The following DENND1B variants were observed in gnomAD, a reference collection of about 807,000 sequenced individuals.
The protein encoded by DENND1B is DENN domain containing 1B.
In DENND1B, 59 loss-of-function variants were observed where a neutral mutation model predicts 90.1. The observed-to-expected ratio is 0.65, with a 90% CI of 0.53 to 0.81. DENND1B has a LOEUF of 0.81. Among genes scored for constraint, DENND1B ranks in the 40% least tolerant of loss-of-function variants. The probability of loss-of-function intolerance (pLI) is 0.00; values close to 1 mark genes in which losing one functional copy is unlikely to be tolerated. For missense variants in DENND1B, 862 were observed against 912.6 expected (o/e 0.94, Z 0.71); for synonymous variants, 337 against 324.6 (o/e 1.04, Z -0.41).
chr1:197,558,485 G>T (rs10922253), intron 15 of DENND1B, among the ~76,000 whole-genome samples: 117,475 of 151,528 alleles, frequency 0.78, 45,826 homozygotes, highest in East Asian at 0.87. Flanking sequence ...GGAGCTATGA[G>T]CCAGGAACCG....
chr1:197,643,012 C>T (rs1228758755), intron 9 of DENND1B, among the ~76,000 whole-genome samples, 191 bp from the exon 10 acceptor site: 1 of 152,076 alleles, frequency 6.6e-6, no homozygotes, highest in Non-Finnish European at 1.5e-5. Flanking sequence ...TTAGTTGAAA[C>T]ATAACCCTAC....
intron 5 of DENND1B, among the ~76,000 whole-genome samples, chr1:197,661,269 T>G (rs1286714038): frequency 6.6e-6 from 1 of 152,114 alleles, no homozygotes; most frequent in African/African-American, 2.4e-5. Flanking sequence ...CTAAATATAA[T>G]GCAAATCAGC....
chr1:197,547,044 G>C (rs533479503), intron 16 of DENND1B, among the ~76,000 whole-genome samples: 67 of 152,150 alleles, frequency 4.4e-4, no homozygotes, highest in Non-Finnish European at 7.1e-4. Flanking sequence ...TTAGATTTCA[G>C]CTACCTTCTT....
rs138221345 is a variant in DENND1B at position 197,739,093 on chromosome 1, C to T, written c.83-24019G>A. The stretch of plus-strand genomic sequence containing the variant: ...ACACATATGAGGAAACTACCAGACA[C>T]TGAGGAAAGAATCACCCAAAAGAAA... On this transcript the variant is annotated intron_variant, in intron 2 of 22. Transcript: ENST00000620048. Among the ~76,000 whole-genome samples, 148 of 152,296 alleles carry T rather than the reference C, an allele frequency of 9.7e-4. 1 individual carries two copies. Among genetic ancestry groups the T allele is most frequent in the African/African-American group, 3.5e-3 (144 of 41,558 alleles).
At chr1:197,563,669 T>TA (rs1189761784) in intron 15 of DENND1B, among the ~76,000 whole-genome samples, 1 of 151,860 alleles carries the variant, frequency 6.6e-6, no homozygotes, top group East Asian at 1.9e-4. Context: ...GATCAAGGAG[T>TA]AATTTTGACT....
chr1:197,624,139 T>G (rs1678429868), intron 10 of DENND1B, among the ~76,000 whole-genome samples: 1 of 151,648 alleles, frequency 6.6e-6, no homozygotes, highest in African/African-American at 2.4e-5. Context: ...AGAACAAAGT[T>G]GGAGGACTGA....
At chr1:197,657,578 A>T (rs2253257) in intron 6 of DENND1B, among the ~76,000 whole-genome samples, 6 of 152,028 alleles carry the variant, frequency 3.9e-5, no homozygotes, top group Non-Finnish European at 7.4e-5. Flanking sequence ...AGAAAAGAAA[A>T]GAAAAGAGCG....
At chr1:197,622,465 C>G (rs1010309462) in intron 10 of DENND1B, among the ~76,000 whole-genome samples, 22 of 151,318 alleles carry the variant, frequency 1.5e-4, no homozygotes, top group Non-Finnish European at 3.1e-4. Flanking sequence ...AAATTATCAT[C>G]ATTATGAGGC....
chr1:197,605,926 T>C (rs1237855912), intron 13 of DENND1B: 1 of 151,110 alleles, frequency 6.6e-6, no homozygotes, highest in Non-Finnish European at 1.5e-5. Flanking sequence ...TAGTGTATTT[T>C]TGAGTTTAGG....
intron 20 of DENND1B, among the ~76,000 whole-genome samples, chr1:197,516,970 C>T (rs1291302268): frequency 2.0e-5 from 3 of 151,808 alleles, no homozygotes; most frequent in African/African-American, 4.8e-5. Flanking sequence ...GCTAAGTGTT[C>T]CTCTGTATGG....
Position 197,595,194 on chromosome 1 carries a change from A to C in DENND1B, c.1047+14T>G. The C allele has an allele frequency of 6.3e-7, 1 of 1,598,880 alleles. No homozygotes were observed. The highest frequency in any genetic ancestry group is 8.5e-7 in the Non-Finnish European group (1 of 1,175,166). ...AAAAAGCAAATTAAAACAGTGATGA[A>C]ACAAAACGCTTACAGGTTTGTATCT... On this transcript the variant is annotated intron_variant, in intron 14 of 22. Transcript: ENST00000620048.
At chr1:197,673,239 T>G (rs925668028) in intron 4 of DENND1B, among the ~76,000 whole-genome samples, 2 of 152,034 alleles carry the variant, frequency 1.3e-5, no homozygotes, top group African/African-American at 2.4e-5. Context: ...GGATCCTAAA[T>G]CTTCCTTACT....
In DENND1B at chr1:197,652,258, T is replaced by G. The variant is rs759837297; in HGVS notation, c.424A>C (p.Asn142His). 43 of 1,611,446 alleles carry G rather than the reference T, an allele frequency of 2.7e-5. No homozygotes were observed. In the South Asian group the frequency reaches 4.6e-4, roughly 17 times the overall value. The part of the protein sequence containing the change: ...SLYNHPVPKA[N>H]TPVNLSVNQE... ...ACCACACTCAAATTTACAGGAGTAT[T>G]TGCCTTTGGTACTGGGTGGTTATAC... The change falls in exon 7 of 23, where the codon AAT becomes CAT. Residue 142 changes from asparagine to histidine, a missense_variant. Transcript: ENST00000620048.
Position 197,505,423 on chromosome 1 carries a change from T to C in DENND1B, c.*5037A>G, listed in dbSNP as rs1021142372. On this transcript the variant is annotated 3_prime_UTR_variant, in exon 23 of 23. Transcript: ENST00000620048. ...AGAGATGAATAGACTTATAGGTTCA[T>C]CATATCAAAGAAGTAATCATTTGTG... is the stretch of plus-strand genomic sequence containing the variant. The C allele has an allele frequency of 7.9e-5, 12 of 151,656 alleles. No homozygotes were observed. The highest frequency in any genetic ancestry group is 2.4e-4 in the African/African-American group (10 of 41,380). The allele number at this position is 151,656 out of a possible 1,614,324, so 9.4% of individuals were successfully genotyped here. A position where few individuals can be genotyped will look rare whatever the true frequency, so the allele number is the denominator to read the frequency against.
chr1:197,693,419 T>C (rs1329516094), intron 3 of DENND1B, among the ~76,000 whole-genome samples: 2 of 151,702 alleles, frequency 1.3e-5, no homozygotes, highest in African/African-American at 4.8e-5. Flanking sequence ...ATTAGGTTCA[T>C]TTAAAGGTGC....
chr1:197,578,649 A>G (rs1177630212), intron 15 of DENND1B, among the ~76,000 whole-genome samples: 1 of 152,198 alleles, frequency 6.6e-6, no homozygotes, highest in Non-Finnish European at 1.5e-5. Context: ...GTGTGTATCA[A>G]AACATCACAT....
At chr1:197,626,911 TA>T (rs1356522948) in intron 10 of DENND1B, among the ~76,000 whole-genome samples, 7 of 151,898 alleles carry the variant, frequency 4.6e-5, no homozygotes, top group Non-Finnish European at 7.4e-5. Context: ...TCTACGCAAA[TA>T]AACTAGAAAA....
chr1:197,577,234 T>A (rs1047988229), intron 15 of DENND1B, among the ~76,000 whole-genome samples: 10 of 152,152 alleles, frequency 6.6e-5, no homozygotes, highest in African/African-American at 2.4e-4. Context: ...ATAGAAAAGA[T>A]GAGATGATTG....
At chr1:197,744,436 A>G (rs1403994763) in intron 2 of DENND1B, among the ~76,000 whole-genome samples, 2 of 152,206 alleles carry the variant, frequency 1.3e-5, no homozygotes, top group East Asian at 1.9e-4. Context: ...GTCTTCTTGT[A>G]TATCTCCATC....
Sources: allele counts gnomAD v4.1 joint callset (sites outside exome capture counted in the v4.1 genomes callset), GRCh38; gene constraint gnomAD v4.1.1; transcripts MANE v1.5; gene names NCBI Gene and HGNC (gene_info 2026-07-23, HGNC 2026-07-21).